The following DTWD1 variants were observed in gnomAD, a reference collection of about 807,000 sequenced individuals.
DTWD1 encodes the protein DTW motif tRNA-uridine aminocarboxypropyltransferase 1, also known as tRNA-uridine aminocarboxypropyltransferase 1.
In DTWD1, 27 loss-of-function variants were observed where a neutral mutation model predicts 30.2. That is an observed-to-expected ratio of 0.90 (90% confidence interval 0.66 to 1.23). The LOEUF is 1.23. Among genes scored for constraint, DTWD1 ranks in the 50% most tolerant of loss-of-function variants. The probability of loss-of-function intolerance (pLI) is 0.00; values close to 1 mark genes in which losing one functional copy is unlikely to be tolerated. For missense variants in DTWD1, 342 were observed against 348.8 expected, an observed-to-expected ratio of 0.98 and a Z score of 0.15; for synonymous variants, 99 against 113.1, an observed-to-expected ratio of 0.88 and a Z score of 0.79.
At chr15:49,636,851 G>T (rs2079009292) in intron 4 of DTWD1, among the ~76,000 whole-genome samples, 1 of 152,142 alleles carries the variant, frequency 6.6e-6, no homozygotes, top group African/African-American at 2.4e-5. Context: ...TCTATCATTT[G>T]TGATAACTTT....
rs1427735111 is a variant in DTWD1 at position 49,650,056 on chromosome 15, A to C, written c.*6478A>C. 6.6e-6 allele frequency: 1 copy of C among 152,098 alleles called. No individual in the cohort carries two copies. The highest frequency in any genetic ancestry group is 2.4e-5 in the African/African-American group (1 of 41,412). The allele number at this position is 152,098 out of a possible 1,614,324, so 9.4% of individuals were successfully genotyped here. On this transcript the variant is annotated 3_prime_UTR_variant, in exon 5 of 5. Coordinates refer to ENST00000403028, the MANE Select transcript of DTWD1 (RefSeq NM_001144955.2). ...TAATTAAGTGAATAATGTTTTAATT[A>C]TAGGGAACAATATGTGTGTGTCTAT...
intron 4 of DTWD1, among the ~76,000 whole-genome samples, chr15:49,637,989 T>C (rs184571107): frequency 3.9e-4 from 59 of 152,332 alleles, no homozygotes; most frequent in African/African-American, 1.4e-3. Context: ...ATAAGATCTT[T>C]AAGAAATTTT....
At position 49,646,950 on chromosome 15, in the gene DTWD1, A is replaced by T; in HGVS notation, c.*3372A>T. 6.6e-6 allele frequency: 1 copy of T among 152,176 alleles called. No individual in the cohort carries two copies. Among genetic ancestry groups the T allele is most frequent in the East Asian group, 1.9e-4 (1 of 5,178 alleles). 9.4% of individuals were successfully genotyped at this position (152,176 alleles called of 1,614,324 possible). A position where few individuals can be genotyped will look rare whatever the true frequency, so the allele number is the denominator to read the frequency against. ...GTCTGGATTTAGTTAGAAAAGCAGC[A>T]TCGTTACAAGTATTACATGAATAAA... On this transcript the variant is annotated 3_prime_UTR_variant, in exon 5 of 5. Coordinates refer to ENST00000403028, the MANE Select transcript of DTWD1 (RefSeq NM_001144955.2).
At position 49,647,681 on chromosome 15, in the gene DTWD1, A is replaced by G. The variant is rs762696606; in HGVS notation, c.*4103A>G. 6.6e-6 allele frequency: 1 copy of G among 152,146 alleles called. No homozygotes were observed. The highest frequency in any genetic ancestry group is 2.4e-5 in the African/African-American group (1 of 41,442). 9.4% of individuals were successfully genotyped at this position (152,146 alleles called of 1,614,324 possible). On this transcript the variant is annotated 3_prime_UTR_variant, in exon 5 of 5. Transcript: ENST00000403028. ...ACCCTACATTGAAGGCCACCAGCCA[A>G]AAATCACCACCCATACATAAGAGCC... is the stretch of plus-strand genomic sequence containing the variant.
rs1268701335 is a variant in DTWD1 at position 49,625,284 on chromosome 15, AT to A, written c.118del (p.Cys40ValfsTer2). Reference protein sequence around the residue: ...IASEDPLQNLCLASQEVLQKA... With the variant: ...IASEDPLQNLXLASQEVLQKA... Reference sequence around the variant, plus strand: ...CTTCAGAAGATCCCCTTCAAAACTTATGTTTAGCATCTCAAGAAGTTCTTCA... The same window carrying A: ...CTTCAGAAGATCCCCTTCAAAACTTAGTTTAGCATCTCAAGAAGTTCTTCA... On this transcript the variant is annotated frameshift_variant, in exon 2 of 5. Coordinates refer to ENST00000403028, the MANE Select transcript of DTWD1 (RefSeq NM_001144955.2). LOFTEE classifies it high-confidence loss of function. The A allele has an allele frequency of 6.2e-7, 1 of 1,613,680 alleles. No homozygotes were observed. Among genetic ancestry groups the A allele is most frequent in the Admixed American group, 1.7e-5 (1 of 59,948 alleles).
At chr15:49,633,106 T>C (rs1014199094) in intron 3 of DTWD1, among the ~76,000 whole-genome samples, 5 of 148,726 alleles carry the variant, frequency 3.4e-5, no homozygotes, top group African/African-American at 9.7e-5. Flanking sequence ...AAAAATTATG[T>C]TTGTAAATAA....
chr15:49,628,979 C>T (rs1438651292), intron 2 of DTWD1, among the ~76,000 whole-genome samples: 1 of 152,094 alleles, frequency 6.6e-6, no homozygotes, highest in African/African-American at 2.4e-5. Context: ...AATGCTATCC[C>T]TCCCCTAGCT....
chr15:49,621,081 C>A lies in DTWD1; in HGVS notation c.-97C>A. 1 of 152,724 alleles carries A rather than the reference C, an allele frequency of 6.5e-6. No individual in the cohort carries two copies. Among genetic ancestry groups the A allele is most frequent in the Non-Finnish European group, 1.5e-5 (1 of 68,374 alleles). The allele number at this position is 152,724 out of a possible 1,614,324, so 9.5% of individuals were successfully genotyped here. A position where few individuals can be genotyped will look rare whatever the true frequency, so the allele number is the denominator to read the frequency against. ...GCGCGTGGCTCGGGCTCGGGCGGAG[C>A]TGGAGACGTGTGGAGCTGTTCGAGG... On this transcript the variant is annotated 5_prime_UTR_variant, in exon 1 of 5. The change creates a new upstream start codon in the 5' untranslated region. Coordinates refer to ENST00000403028, the MANE Select transcript of DTWD1 (RefSeq NM_001144955.2).
intron 3 of DTWD1, among the ~76,000 whole-genome samples, chr15:49,634,012 G>A (rs1017665156): frequency 8.5e-5 from 13 of 152,202 alleles, no homozygotes; most frequent in South Asian, 4.1e-4. Context: ...TAATGAGATC[G>A]TTGAACCAAA....
At chr15:49,621,294 C>CT (rs1567727751) in intron 1 of DTWD1, 172 bp downstream of exon 1, 2 of 151,988 alleles carry the variant, frequency 1.3e-5, no homozygotes, top group African/African-American at 4.8e-5. Context: ...CGGTCTCTTG[C>CT]TTTTTTTAGG....
At chr15:49,638,924 T>C (rs2079033758) in intron 4 of DTWD1, among the ~76,000 whole-genome samples, 1 of 152,162 alleles carries the variant, frequency 6.6e-6, no homozygotes, top group Admixed American at 6.5e-5. Context: ...CTTGGCAGAA[T>C]GTAGGGGGAG....
chr15:49,631,973 C>A, intron 2 of DTWD1, 186 bp from the exon 3 acceptor site: 1 of 640,790 alleles, frequency 1.6e-6, no homozygotes. Flanking sequence ...ATAACAATGC[C>A]AAGGAAGAAA....
At chr15:49,625,650 C>T (rs1222486387) in intron 2 of DTWD1, 4 of 497,226 alleles carry the variant, frequency 8.0e-6, no homozygotes, top group East Asian at 3.4e-5. Context: ...AAGAGCACAC[C>T]GAACAAAGGA....
intron 2 of DTWD1, among the ~76,000 whole-genome samples, chr15:49,627,350 A>T (rs1348213350): frequency 6.6e-6 from 1 of 152,148 alleles, no homozygotes; most frequent in Non-Finnish European, 1.5e-5. Context: ...TTTTTATTTT[A>T]ACAAATCATT....
chr15:49,643,989 T>C lies in DTWD1; in HGVS notation c.*411T>C, dbSNP rs1272113553. The C allele has an allele frequency of 6.5e-6, 1 of 153,474 alleles. No individual in the cohort carries two copies. 9.5% of individuals were successfully genotyped at this position (153,474 alleles called of 1,614,324 possible). On this transcript the variant is annotated 3_prime_UTR_variant, in exon 5 of 5. Coordinates refer to ENST00000403028, the MANE Select transcript of DTWD1 (RefSeq NM_001144955.2). ...TGCTGGCTGAAAAATAGGTCATAAG[T>C]GATTTTTCTTGAGGTTAGTAGCAAA...
chr15:49,641,394 G>A (rs1359313066), intron 4 of DTWD1, among the ~76,000 whole-genome samples: 1 of 151,840 alleles, frequency 6.6e-6, no homozygotes, highest in Non-Finnish European at 1.5e-5. Context: ...TACATTGTAT[G>A]GACTTTGTAT....
At position 49,643,432 on chromosome 15, in the gene DTWD1, T is replaced by C; in HGVS notation, c.769T>C (p.Phe257Leu). ...TTCTACAATTGAAGCCATTTACTAC[T>C]TTCTGGTAGACTACCATACTGATAT... ...FLSTIEAIYY[F>L]LVDYHTDILK... is the part of the protein sequence containing the mutation. The change falls in exon 5 of 5, where the codon TTT (phenylalanine) becomes CTT (leucine). Residue 257 changes from phenylalanine (F) to leucine (L), a missense_variant. Coordinates refer to ENST00000403028, the MANE Select transcript of DTWD1 (RefSeq NM_001144955.2). 6.2e-7 allele frequency: 1 copy of C among 1,607,016 alleles called. No individual in the cohort carries two copies. The highest frequency in any genetic ancestry group is 8.5e-7 in the Non-Finnish European group (1 of 1,177,220).
chr15:49,631,923 C>G, intron 2 of DTWD1: 1 of 474,028 alleles, frequency 2.1e-6, no homozygotes, highest in Non-Finnish European at 3.8e-6. Flanking sequence ...AGAGAAGATT[C>G]TCTGTTAAAT....
In DTWD1 at chr15:49,652,691, A is replaced by G. The variant is rs537402578; in HGVS notation, c.*9113A>G. ...TCTTCTAAATTTCTGAGAGGTCAAG[A>G]AAAGAGGTCTCTTGATTCCTTTAGG... On this transcript the variant is annotated 3_prime_UTR_variant, in exon 5 of 5. Transcript: ENST00000403028. The G allele has an allele frequency of 7.4e-6, 1 of 135,486 alleles. No individual in the cohort carries two copies. Among genetic ancestry groups the G allele is most frequent in the African/African-American group, 3.6e-5 (1 of 27,516 alleles). The allele number at this position is 135,486 out of a possible 1,614,324, so 8.4% of individuals were successfully genotyped here.
Sources: gnomAD v4.1 joint callset for allele counts (sites outside exome capture counted in the v4.1 genomes callset) on GRCh38, gnomAD v4.1.1 for gene constraint, MANE v1.5 for transcripts, NCBI Gene and HGNC (gene_info 2026-07-23, HGNC 2026-07-21) for gene names.